Variants in ARID3A observed in about 807,000 individuals in gnomAD.
The protein encoded by ARID3A is AT-rich interaction domain 3A, also known as AT-rich interactive domain-containing protein 3A.
In ARID3A, 11 loss-of-function variants were observed where a neutral mutation model predicts 52.7. The observed-to-expected ratio is 0.21, with a 90% confidence interval of 0.13 to 0.35. The LOEUF (loss-of-function observed/expected upper bound fraction) is 0.35. ARID3A is among the 10% of genes least tolerant of loss of function. ARID3A has a pLI of 1.00. For missense variants in ARID3A, 721 were observed against 838.5 expected, an observed-to-expected ratio of 0.86 and a Z score of 1.73; for synonymous variants, 404 against 359.4, an observed-to-expected ratio of 1.12 and a Z score of -1.40.
At chr19:932,022 G>C (rs916504661) in intron 2 of ARID3A, among the ~76,000 whole-genome samples, 4 of 151,558 alleles carry the variant, frequency 2.6e-5, no homozygotes, top group African/African-American at 9.7e-5. Flanking sequence ...TCCCAAGAGA[G>C]TCTTGCTCTG....
Position 929,576 on chromosome 19 carries a change from G to A in ARID3A, c.48G>A (p.Arg16=). 1 of 1,523,612 alleles carries A rather than the reference G, an allele frequency of 6.6e-7. No homozygotes were observed. The highest frequency in any genetic ancestry group is 2.5e-5 in the East Asian group (1 of 39,520). The allele number at this position is 1,523,612 out of a possible 1,614,324, so 94.4% of individuals were successfully genotyped here. Residue 16 remains arginine (R), a synonymous_variant, in exon 2 of 9, where the codon CGG becomes CGA. Transcript: ENST00000263620. The surrounding 1 kb of genome is among the most constrained non-coding windows in gnomAD (Gnocchi z 6.2). ...VMETLLQRQQ[R]ARQELEARQQ... ...AGACGCTGTTGCAGCGGCAGCAGCG[G>A]GCGCGCCAGGAGCTGGAGGCCCGGC...
At chr19:934,283 C>T (rs1033360036) in intron 3 of ARID3A, among the ~76,000 whole-genome samples, 1 of 152,160 alleles carries the variant, frequency 6.6e-6, no homozygotes, top group Admixed American at 6.5e-5. Context: ...ACACACGCCC[C>T]GCCCAGACAG....
chr19:949,399 G>A (rs570712701), intron 3 of ARID3A, among the ~76,000 whole-genome samples: 210 of 152,296 alleles, frequency 1.4e-3, no homozygotes, highest in Non-Finnish European at 2.7e-3. Flanking sequence ...TCCGGGAGGG[G>A]GTGGGGGGCT....
chr19:954,684 G>A (rs746798301), intron 3 of ARID3A, among the ~76,000 whole-genome samples: 28 of 152,290 alleles, frequency 1.8e-4, no homozygotes, highest in Non-Finnish European at 3.4e-4. Context: ...GAGCATCTGC[G>A]GAGGTGATAT....
chr19:929,441 CT>C lies in ARID3A; in HGVS notation c.-87del. On this transcript the variant is annotated 5_prime_UTR_variant, in exon 2 of 9. Coordinates refer to ENST00000263620, the MANE Select transcript of ARID3A (RefSeq NM_005224.3). The surrounding 1 kb of genome is among the most constrained non-coding windows in gnomAD (Gnocchi z 6.2). The stretch of plus-strand genomic sequence containing the variant: ...CCACGCTGCAGTGCGGCCGGGCCCC[CT>C]CCCCGCAGGGGCCGCCCCCGCCGCC... The C allele has an allele frequency of 5.2e-4, 661 of 1,269,424 alleles. No homozygotes were observed. The highest frequency in any genetic ancestry group is 6.1e-4 in the Non-Finnish European group (615 of 1,000,136). The allele number at this position is 1,269,424 out of a possible 1,614,324, so 78.6% of individuals were successfully genotyped here. A position where few individuals can be genotyped will look rare whatever the true frequency, so the allele number is the denominator to read the frequency against.
intron 3 of ARID3A, among the ~76,000 whole-genome samples, chr19:946,490 G>T (rs1256161873): frequency 7.2e-6 from 1 of 139,360 alleles, no homozygotes; most frequent in East Asian, 2.1e-4. Flanking sequence ...TCCCAGGCTA[G>T]AGTGCGGTGT....
In ARID3A at chr19:947,416, A is replaced by G. The variant is rs543282583; in HGVS notation, c.694-12676A>G. 1.3e-5 allele frequency among the ~76,000 whole-genome samples: 2 copies of G among 152,264 alleles called. No individual in the cohort carries two copies. The highest frequency in any genetic ancestry group is 4.8e-5 in the African/African-American group (2 of 41,558). ...CCCACCCCGGCCACATCTCAGCACC[A>G]GGCCTGTCGCTGCCGTCCTGGACTC... On this transcript the variant is annotated intron_variant, in intron 3 of 8. Transcript: ENST00000263620. The surrounding 1 kb of genome is among the most constrained non-coding windows in gnomAD (Gnocchi z 6.3).
rs1599395163 is a variant in ARID3A at position 941,781 on chromosome 19, G to C, written c.693+9039G>C. On this transcript the variant is annotated intron_variant, in intron 3 of 8. Transcript: ENST00000263620. This position sits in a 1 kb window ranked among gnomAD's most constrained non-coding sequence, Gnocchi z 6.9. ...TCTTGTGTTTTGTGTGGATGTGGCT[G>C]TGTGTGTGTGTGTGTGTGTGTGTGT... 7.1e-6 allele frequency among the ~76,000 whole-genome samples: 1 copy of C among 141,662 alleles called. No homozygotes were observed. Among genetic ancestry groups the C allele is most frequent in the Non-Finnish European group, 1.5e-5 (1 of 65,044 alleles). The allele number at this position is 141,662 out of a possible 152,430, so 92.9% of individuals were successfully genotyped here. A position where few individuals can be genotyped will look rare whatever the true frequency, so the allele number is the denominator to read the frequency against.
At chr19:949,752 C>T (rs2037766739) in intron 3 of ARID3A, among the ~76,000 whole-genome samples, 1 of 150,048 alleles carries the variant, frequency 6.7e-6, no homozygotes, top group African/African-American at 2.5e-5. Flanking sequence ...TCTGAGCTCA[C>T]GCAATCTCTG....
chr19:969,761 C>T (rs898135779), intron 8 of ARID3A, among the ~76,000 whole-genome samples: 1 of 150,210 alleles, frequency 6.7e-6, no homozygotes, highest in East Asian at 2.0e-4. Context: ...GATCTTGACT[C>T]ACTGCAACCT....
At chr19:926,527 A>T (rs1346597675) in intron 1 of ARID3A, among the ~76,000 whole-genome samples, 1 of 151,174 alleles carries the variant, frequency 6.6e-6, no homozygotes, top group Non-Finnish European at 1.5e-5. Flanking sequence ...TTTCATTTTT[A>T]TTCTTTCTCC....
chr19:971,851 G>T, intron 8 of ARID3A, 27 bp from the exon 9 acceptor site: 1 of 1,583,804 alleles, frequency 6.3e-7, no homozygotes, highest in South Asian at 1.1e-5. Flanking sequence ...AACTCTGCAT[G>T]GCATATGTCT....
At chr19:943,379 A>G (rs1176613049) in intron 3 of ARID3A, among the ~76,000 whole-genome samples, 3 of 151,292 alleles carry the variant, frequency 2.0e-5, no homozygotes, top group Admixed American at 1.3e-4. Context: ...GACCAGCCTG[A>G]CCAACATGGT....
intron 2 of ARID3A, among the ~76,000 whole-genome samples, chr19:930,655 G>A (rs918359275): frequency 1.3e-4 from 20 of 149,646 alleles, no homozygotes; most frequent in South Asian, 4.3e-4. Flanking sequence ...GACTACAGGC[G>A]CCCGCCACCA....
Position 959,646 on chromosome 19 carries a change from CTGTA to C in ARID3A, c.694-445_694-442del, listed in dbSNP as rs2037997807. ...TGTTGCTTTAAGCTGCAACGTGTGG[CTGTA>C]AGGGAGTTAAGGATCGATTTGAGAT... On this transcript the variant is annotated intron_variant, in intron 3 of 8. Coordinates refer to ENST00000263620, the MANE Select transcript of ARID3A (RefSeq NM_005224.3). The surrounding 1 kb of genome is among the most constrained non-coding windows in gnomAD (Gnocchi z 5.0). Among the ~76,000 whole-genome samples the C allele has an allele frequency of 6.6e-6, 1 of 152,120 alleles. No individual in the cohort carries two copies. Among genetic ancestry groups the C allele is most frequent in the Admixed American group, 6.5e-5 (1 of 15,270 alleles).
Position 947,807 on chromosome 19 carries a change from C to T in ARID3A, c.694-12285C>T, listed in dbSNP as rs1324044242. Among the ~76,000 whole-genome samples, 7 of 152,204 alleles carry T rather than the reference C, an allele frequency of 4.6e-5. No individual in the cohort carries two copies. The highest frequency in any genetic ancestry group is 1.2e-4 in the African/African-American group (5 of 41,464). On this transcript the variant is annotated intron_variant, in intron 3 of 8. Coordinates refer to ENST00000263620, the MANE Select transcript of ARID3A (RefSeq NM_005224.3). This position sits in a 1 kb window ranked among gnomAD's most constrained non-coding sequence, Gnocchi z 6.3. ...GAGGGGACTCGGGGCCCATCAGGGC[C>T]GGGGGAGTGGAGCCGGCAGATGTTC...
intron 4 of ARID3A, among the ~76,000 whole-genome samples, chr19:962,675 C>T (rs977890265): frequency 5.3e-5 from 8 of 152,080 alleles, no homozygotes; most frequent in Non-Finnish European, 1.0e-4. Context: ...CCACCACGCC[C>T]GGCTAATTTT....
intron 7 of ARID3A, among the ~76,000 whole-genome samples, chr19:968,044 C>CAAAA (rs34215155): frequency 8.1e-6 from 1 of 123,528 alleles, no homozygotes; most frequent in African/African-American, 3.2e-5. Context: ...GACTCCGTCT[C>CAAAA]AAAAAAAAAA....
At position 947,586 on chromosome 19, in the gene ARID3A, G is replaced by A. The variant is rs2037713151; in HGVS notation, c.694-12506G>A. On this transcript the variant is annotated intron_variant, in intron 3 of 8. Coordinates refer to ENST00000263620, the MANE Select transcript of ARID3A (RefSeq NM_005224.3). This position sits in a 1 kb window ranked among gnomAD's most constrained non-coding sequence, Gnocchi z 6.3. ...CAGATGAGAAGACCGAGGTGCCAGG[G>A]TGGCGATCGCACGAAGGGCCCGTCA... Among the ~76,000 whole-genome samples the A allele has an allele frequency of 6.6e-6, 1 of 152,202 alleles. No homozygotes were observed. The highest frequency in any genetic ancestry group is 2.4e-5 in the African/African-American group (1 of 41,450).
Sources: gnomAD v4.1 joint callset for allele counts (sites outside exome capture counted in the v4.1 genomes callset) on GRCh38, gnomAD v4.1.1 for gene constraint, Gnocchi (gnomAD v3.1) non-coding constraint, MANE v1.5 for transcripts, NCBI Gene and HGNC (gene_info 2026-07-23, HGNC 2026-07-21) for gene names.